Variants in CST8 observed in about 807,000 individuals in gnomAD.
CST8 encodes the protein cystatin 8.
CST8 carries 20 observed loss-of-function variants against 11.8 expected under a neutral mutation model. That is an observed-to-expected ratio of 1.70 (90% CI 1.20 to 2.47). The LOEUF (loss-of-function observed/expected upper bound fraction) is 2.47, where lower values mean the gene tolerates loss of function less well. CST8 is among the 30% of genes most tolerant of loss of function. The probability of loss-of-function intolerance (pLI) is 0.00; values close to 1 mark genes in which losing one functional copy is unlikely to be tolerated. For synonymous variants in CST8, 77 were observed against 63.1 expected (o/e 1.22, Z -1.05); for missense variants, 196 against 167.2 (o/e 1.17, Z -0.95).
At position 23,495,868 on chromosome 20, in the gene CST8, G is replaced by A; in HGVS notation, c.383G>A (p.Trp128Ter). ...AGCTTTTTGGTAGGAGCACTTCCCTGGAATGGTGAATTCACTGTGATGGAG... is the reference window on the plus strand; with the variant it reads ...AGCTTTTTGGTAGGAGCACTTCCCTAGAATGGTGAATTCACTGTGATGGAG... Reference protein sequence around the residue: ...SCSFLVGALPWNGEFTVMEKK... With the variant: ...SCSFLVGALP The change falls in exon 4 of 4, where the codon TGG (tryptophan) becomes TAG (stop). Residue 128 changes from tryptophan to a stop codon, truncating the protein, a stop_gained. Coordinates refer to ENST00000246012, the MANE Select transcript of CST8 (RefSeq NM_005492.4). LOFTEE classifies it low-confidence loss of function (END_TRUNC). 6.2e-7 allele frequency: 1 copy of A among 1,609,744 alleles called. No individual in the cohort carries two copies. The highest frequency in any genetic ancestry group is 8.5e-7 in the Non-Finnish European group (1 of 1,179,030).
At chr20:23,497,135 G>A (rs1373303246), downstream of CST8, among the ~76,000 whole-genome samples, 2 of 152,214 alleles carry the variant, frequency 1.3e-5, no homozygotes, top group Non-Finnish European at 2.9e-5. Context: ...GAAGTGATAA[G>A]TGTCCATGAA....
At chr20:23,497,781 T>C (rs143976430), downstream of CST8, among the ~76,000 whole-genome samples, 22 of 152,282 alleles carry the variant, frequency 1.4e-4, no homozygotes, top group East Asian at 1.7e-3. Context: ...AGAAACAGTA[T>C]GGGGGAAACC....
At chr20:23,506,723 C>A in the CST8 span, among the ~76,000 whole-genome samples, 1 of 152,058 alleles carries the variant, frequency 6.6e-6, no homozygotes, top group Non-Finnish European at 1.5e-5. Flanking sequence ...GGAAATGGTC[C>A]CTTCATAACT....
chr20:23,500,526 G>A (rs1306946288), downstream of CST8, among the ~76,000 whole-genome samples: 1 of 152,204 alleles, frequency 6.6e-6, no homozygotes, highest in African/African-American at 2.4e-5. Flanking sequence ...GGAGGCAAGA[G>A]GGGTGGGCCT....
intron 3 of CST8, among the ~76,000 whole-genome samples, chr20:23,494,357 G>A (rs1323731408): frequency 3.3e-5 from 5 of 152,094 alleles, no homozygotes; most frequent in East Asian, 3.9e-4. Context: ...TCCATGATAC[G>A]TCTCAGTTTT....
the CST8 span, among the ~76,000 whole-genome samples, chr20:23,505,748 T>C: frequency 2.6e-5 from 4 of 152,122 alleles, no homozygotes; most frequent in Admixed American, 1.3e-4. Flanking sequence ...ATCAGCAGCA[T>C]CAGTGGCACT....
downstream of CST8, among the ~76,000 whole-genome samples, chr20:23,500,326 G>A (rs150929785): frequency 3.0e-3 from 464 of 152,322 alleles, 4 homozygotes; most frequent in Middle Eastern, 0.014. Context: ...AGGGACAGCA[G>A]CAGCATAGAG....
downstream of CST8, among the ~76,000 whole-genome samples, chr20:23,500,833 C>T (rs1251126756): frequency 6.6e-6 from 1 of 152,000 alleles, no homozygotes; most frequent in Admixed American, 6.5e-5. Context: ...GCGAAGGGGA[C>T]TGTTTTACTC....
downstream of CST8, among the ~76,000 whole-genome samples, chr20:23,499,204 A>G (rs1036981837): frequency 1.3e-5 from 2 of 152,144 alleles, no homozygotes; most frequent in Non-Finnish European, 2.9e-5. Context: ...CATCACATAT[A>G]TGTGTTTCTA....
chr20:23,494,838 G>T (rs1310578563), intron 3 of CST8, among the ~76,000 whole-genome samples: 2 of 152,206 alleles, frequency 1.3e-5, no homozygotes, highest in Non-Finnish European at 1.5e-5. Flanking sequence ...TGTAGATTCA[G>T]GGGTACACAT....
rs1325713732 is a variant in CST8, at chr20:23,495,870, A to C, written c.385A>C (p.Asn129His). 1 of 1,610,236 alleles carries C rather than the reference A, an allele frequency of 6.2e-7. No homozygotes were observed. Among genetic ancestry groups the C allele is most frequent in the Non-Finnish European group, 8.5e-7 (1 of 1,179,190 alleles). ...CSFLVGALPW[N>H]GEFTVMEKKC... ...CTTTTTGGTAGGAGCACTTCCCTGG[A>C]ATGGTGAATTCACTGTGATGGAGAA... Residue 129 changes from asparagine (N) to histidine (H), a missense_variant, in exon 4 of 4, where the codon AAT (asparagine) becomes CAT (histidine). Transcript: ENST00000246012.
chr20:23,491,914 C>T lies in CST8; in HGVS notation c.231+16C>T. ...CCAGCTTCAGGTAAAGGTGTCTTTC[C>T]ATATAGGTGGACATTTGCATATGGT... On this transcript the variant is annotated intron_variant, in intron 2 of 3. Transcript: ENST00000246012. The T allele has an allele frequency of 6.3e-7, 1 of 1,594,440 alleles. No homozygotes were observed. Among genetic ancestry groups the T allele is most frequent in the Non-Finnish European group, 8.6e-7 (1 of 1,162,194 alleles).
At chr20:23,493,668 G>T (rs1355076252) in intron 3 of CST8, among the ~76,000 whole-genome samples, 3 of 152,206 alleles carry the variant, frequency 2.0e-5, no homozygotes, top group Non-Finnish European at 4.4e-5. Context: ...GGAGGACTTG[G>T]CCCAGGGGCT....
Position 23,491,739 on chromosome 20 carries a change from A to G in CST8, c.72A>G (p.Pro24=). The G allele has an allele frequency of 6.2e-7, 1 of 1,614,044 alleles. No homozygotes were observed. Among genetic ancestry groups the G allele is most frequent in the South Asian group, 1.1e-5 (1 of 91,088 alleles). ...TGGCCCTGGTGGCCAGGAAAGACCCAAAAAAGAATGAGACAGGGGTGCTGA... is the reference window on the plus strand; with the variant it reads ...TGGCCCTGGTGGCCAGGAAAGACCCGAAAAAGAATGAGACAGGGGTGCTGA... The part of the protein sequence containing the change: ...IPLALVARKD[P]KKNETGVLRK... The change falls in exon 2 of 4, where the codon CCA becomes CCG. Residue 24 remains proline (P), a synonymous_variant. Transcript: ENST00000246012.
chr20:23,500,764 G>T (rs1005929367), downstream of CST8, among the ~76,000 whole-genome samples: 1 of 151,184 alleles, frequency 6.6e-6, no homozygotes, highest in Non-Finnish European at 1.5e-5. Context: ...TGGCTGGGTG[G>T]GGGGGTGCAG....
At chr20:23,503,894 G>A in the CST8 span, among the ~76,000 whole-genome samples, 1 of 152,206 alleles carries the variant, frequency 6.6e-6, no homozygotes, top group South Asian at 2.1e-4. Context: ...GGTCAAGGAG[G>A]ATGCACGCTC....
intron 3 of CST8, among the ~76,000 whole-genome samples, 174 bp downstream of exon 3, chr20:23,493,245 C>A (rs188360682): frequency 7.3e-4 from 111 of 152,222 alleles, no homozygotes; most frequent in African/African-American, 2.4e-3. Context: ...CGTGGTGGAA[C>A]CCTCTGAGCT....
At chr20:23,504,873 G>T in the CST8 span, among the ~76,000 whole-genome samples, 1 of 152,106 alleles carries the variant, frequency 6.6e-6, no homozygotes, top group East Asian at 1.9e-4. Flanking sequence ...GAGGTCAGGA[G>T]TTTGGGGTGC....
chr20:23,497,658 A>C (rs912700986), downstream of CST8, among the ~76,000 whole-genome samples: 1 of 152,236 alleles, frequency 6.6e-6, no homozygotes, highest in Non-Finnish European at 1.5e-5. Context: ...CAATCACGGC[A>C]GAAGGTGAAT....
Sources: gnomAD v4.1 joint callset for allele counts (sites outside exome capture counted in the v4.1 genomes callset) on GRCh38, gnomAD v4.1.1 for gene constraint, MANE v1.5 for transcripts, NCBI Gene and HGNC (gene_info 2026-07-23, HGNC 2026-07-21) for gene names.